The following PDE3A variants were observed in gnomAD, a reference collection of about 807,000 sequenced individuals.
PDE3A encodes the protein phosphodiesterase 3A.
In PDE3A, 43 loss-of-function variants were observed where a neutral mutation model predicts 98.3. The ratio of observed to expected loss-of-function variants is 0.44; its 90% CI spans 0.34 to 0.56. The LOEUF is 0.56. Among genes scored for constraint, PDE3A ranks in the 20% least tolerant of loss-of-function variants. The pLI, the probability that PDE3A is intolerant of heterozygous loss-of-function variation, is 0.01. For missense variants in PDE3A, 1,427 were observed against 1,440.7 expected (o/e 0.99, Z 0.15); for synonymous variants, 663 against 567.9 (o/e 1.17, Z -2.38).
chr12:20,554,301 T>C (rs1045961309), intron 1 of PDE3A, among the ~76,000 whole-genome samples: 8 of 151,460 alleles, frequency 5.3e-5, no homozygotes, highest in African/African-American at 1.9e-4. Context: ...GTAGGCTTTT[T>C]CTAAAGTCCA....
At chr12:20,602,170 T>C (rs1252689920) in intron 2 of PDE3A, among the ~76,000 whole-genome samples, 2 of 152,194 alleles carry the variant, frequency 1.3e-5, no homozygotes, top group Non-Finnish European at 2.9e-5. Context: ...TTCCCACATT[T>C]GTGTGAGCAG....
intron 1 of PDE3A, among the ~76,000 whole-genome samples, chr12:20,481,763 G>GGTTTTTT (rs1565563069): frequency 3.0e-5 from 1 of 33,530 alleles, no homozygotes; most frequent in African/African-American, 1.3e-4. Context: ...TTGGGAAATA[G>GGTTTTTT]ATTTTTTTTT....
intron 1 of PDE3A, among the ~76,000 whole-genome samples, chr12:20,497,036 C>T (rs559456093): frequency 2.0e-5 from 3 of 152,202 alleles, no homozygotes; most frequent in Admixed American, 6.5e-5. Context: ...GTTTATGTTA[C>T]GTGTTGAAGT....
chr12:20,448,369 A>C (rs1234229499), intron 1 of PDE3A, among the ~76,000 whole-genome samples: 2 of 152,084 alleles, frequency 1.3e-5, no homozygotes, highest in Admixed American at 6.6e-5. Flanking sequence ...TGAACCCGGG[A>C]GGCGGCAGTT....
intron 1 of PDE3A, among the ~76,000 whole-genome samples, chr12:20,426,393 A>G (rs1164536213): frequency 6.6e-6 from 1 of 152,222 alleles, no homozygotes; most frequent in Non-Finnish European, 1.5e-5. Context: ...AAAACCCTGA[A>G]GAATTCCTTA....
intron 1 of PDE3A, among the ~76,000 whole-genome samples, chr12:20,519,507 T>G (rs1946383978): frequency 6.6e-6 from 1 of 152,224 alleles, no homozygotes; most frequent in Non-Finnish European, 1.5e-5. Context: ...TAGAACACAT[T>G]GTATGAATTT....
At chr12:20,599,973 A>G (rs1234998014) in intron 2 of PDE3A, among the ~76,000 whole-genome samples, 1 of 152,176 alleles carries the variant, frequency 6.6e-6, no homozygotes, top group Non-Finnish European at 1.5e-5. Flanking sequence ...TCAAACACTG[A>G]TCCACTGCTG....
At chr12:20,402,887 T>C (rs1944159028) in intron 1 of PDE3A, among the ~76,000 whole-genome samples, 1 of 152,156 alleles carries the variant, frequency 6.6e-6, no homozygotes, top group Non-Finnish European at 1.5e-5. Flanking sequence ...ATGGGTCTGC[T>C]TGGGTACCAG....
intron 1 of PDE3A, among the ~76,000 whole-genome samples, chr12:20,484,379 T>C (rs1945684978): frequency 6.6e-6 from 1 of 152,202 alleles, no homozygotes; most frequent in South Asian, 2.1e-4. Context: ...AACCCATTTG[T>C]AATAAAAACA....
chr12:20,522,537 G>A (rs900194305), intron 1 of PDE3A, among the ~76,000 whole-genome samples: 1 of 152,184 alleles, frequency 6.6e-6, no homozygotes, highest in African/African-American at 2.4e-5. Flanking sequence ...GTAAAAGTGT[G>A]TAGCTTTTGG....
intron 8 of PDE3A, among the ~76,000 whole-genome samples, chr12:20,635,448 C>G (rs1030424719): frequency 2.0e-5 from 3 of 151,908 alleles, no homozygotes; most frequent in Non-Finnish European, 2.9e-5. Flanking sequence ...CGTGGTGGCA[C>G]GCACCTGTAT....
At chr12:20,515,742 A>G (rs1407447033) in intron 1 of PDE3A, among the ~76,000 whole-genome samples, 1 of 143,950 alleles carries the variant, frequency 6.9e-6, no homozygotes, top group African/African-American at 2.6e-5. Flanking sequence ...TTATTTATTT[A>G]TTTATTTTGA....
At chr12:20,540,923 G>T (rs1211015337) in intron 1 of PDE3A, among the ~76,000 whole-genome samples, 1 of 151,638 alleles carries the variant, frequency 6.6e-6, no homozygotes, top group East Asian at 1.9e-4. Context: ...AAGAGAATGT[G>T]TTTAATGTAT....
intron 1 of PDE3A, among the ~76,000 whole-genome samples, chr12:20,439,672 C>T (rs1298876627): frequency 6.6e-6 from 1 of 152,086 alleles, no homozygotes; most frequent in Non-Finnish European, 1.5e-5. Context: ...CTGTCTTTAC[C>T]TTGTAGCCTT....
At chr12:20,414,872 T>A (rs1039467781) in intron 1 of PDE3A, among the ~76,000 whole-genome samples, 2 of 152,126 alleles carry the variant, frequency 1.3e-5, no homozygotes, top group Admixed American at 1.3e-4. Context: ...AGAGCAAAAG[T>A]TTGATGTTTA....
At chr12:20,645,899 G>A (rs1944765275) in intron 10 of PDE3A, among the ~76,000 whole-genome samples, 1 of 152,044 alleles carries the variant, frequency 6.6e-6, no homozygotes, top group African/African-American at 2.4e-5. Context: ...GTATTTCTTA[G>A]AACTATATTC....
At chr12:20,676,786 A>G (rs1945653161) in intron 15 of PDE3A, among the ~76,000 whole-genome samples, 1 of 152,150 alleles carries the variant, frequency 6.6e-6, no homozygotes, top group South Asian at 2.1e-4. Context: ...GGCGTGAGCC[A>G]CCGCACCCAG....
intron 1 of PDE3A, among the ~76,000 whole-genome samples, chr12:20,373,366 C>G (rs549953500): frequency 6.6e-6 from 1 of 151,584 alleles, no homozygotes; most frequent in African/African-American, 2.4e-5. Flanking sequence ...GCCCTCGGCC[C>G]GAAACATGGG....
chr12:20,635,506 A>C (rs1016188665), intron 8 of PDE3A, among the ~76,000 whole-genome samples: 1 of 150,684 alleles, frequency 6.6e-6, no homozygotes, highest in African/African-American at 2.4e-5. Context: ...TGAACCCAGG[A>C]GGTGGAGTTT....
Sources: allele counts gnomAD v4.1 joint callset (sites outside exome capture counted in the v4.1 genomes callset), GRCh38; gene constraint gnomAD v4.1.1; transcripts MANE v1.5; gene names NCBI Gene and HGNC (gene_info 2026-07-23, HGNC 2026-07-21).